The following ZZEF1 variants were observed in gnomAD, a reference collection of about 807,000 sequenced individuals.
The protein encoded by ZZEF1 is zinc finger ZZ-type and EF-hand domain-containing protein 1.
In ZZEF1, 157 loss-of-function variants were observed where a neutral mutation model predicts 342.8. The observed-to-expected ratio is 0.46, with a 90% CI of 0.40 to 0.52. The LOEUF (loss-of-function observed/expected upper bound fraction) is 0.52, where lower values mean the gene tolerates loss of function less well. Ranked by LOEUF, ZZEF1 falls within the 20% of genes least tolerant of loss-of-function variation. The pLI is 0.00. For missense variants in ZZEF1, 3,480 were observed against 3,725.6 expected (o/e 0.93, Z 1.72); for synonymous variants, 1,505 against 1,429.1 (o/e 1.05, Z -1.20).
At chr17:4,049,374 T>C (rs2056995284) in intron 37 of ZZEF1, among the ~76,000 whole-genome samples, 2 of 151,986 alleles carry the variant, frequency 1.3e-5, no homozygotes, top group African/African-American at 2.4e-5. Flanking sequence ...TAGCCAGGCA[T>C]GGTAGCACAT....
chr17:4,142,635 C>T lies in ZZEF1; in HGVS notation c.261G>A (p.Arg87=), dbSNP rs144967819. Residue 87 remains arginine, a synonymous_variant, in exon 1 of 55, where the codon CGG becomes CGA. Transcript: ENST00000381638. ...TGACAGACTCTTCGCCGCGGCCCAG[C>T]CGCTCTTCCAGCCAGCGAAACAACG... is the stretch of plus-strand genomic sequence containing the variant. ...RGALFRWLEE[R]LGRGEESVTL... 3.0e-4 allele frequency: 474 copies of T among 1,606,764 alleles called. 1 individual carries two copies. In the African/African-American group the frequency reaches 5.5e-3, roughly 19 times the overall value.
chr17:4,077,795 A>G (rs1292696249), intron 19 of ZZEF1, 88 bp downstream of exon 19: 2 of 1,402,232 alleles, frequency 1.4e-6, no homozygotes, highest in Non-Finnish European at 2.0e-6. Context: ...CCATATGCAC[A>G]CTCATTGCAT....
intron 36 of ZZEF1, 40 bp from the exon 37 acceptor site, chr17:4,049,899 T>C (rs758836406): frequency 1.2e-6 from 2 of 1,601,672 alleles, no homozygotes; most frequent in African/African-American, 2.7e-5. Flanking sequence ...AGAAGTTTTA[T>C]AATGAGAGTT....
At position 4,064,835 on chromosome 17, in the gene ZZEF1, T is replaced by C. The variant is rs779563149; in HGVS notation, c.4250-6A>G. 1.4e-6 allele frequency: 2 copies of C among 1,385,766 alleles called. No homozygotes were observed. Among genetic ancestry groups the C allele is most frequent in the East Asian group, 5.1e-5 (2 of 39,168 alleles). The allele number at this position is 1,385,766 out of a possible 1,614,324, so 85.8% of individuals were successfully genotyped here. A position where few individuals can be genotyped will look rare whatever the true frequency, so the allele number is the denominator to read the frequency against. On this transcript the variant is annotated splice_region_variant and splice_polypyrimidine_tract_variant and intron_variant, in intron 28 of 54. Transcript: ENST00000381638. Reference sequence around the variant, plus strand: ...CTTCTCAATGCACTCTTTTGCTAGATGCAAACAAGAATCATAATTGAAAAA... The same window carrying C: ...CTTCTCAATGCACTCTTTTGCTAGACGCAAACAAGAATCATAATTGAAAAA...
At position 4,025,086 on chromosome 17, in the gene ZZEF1, C is replaced by T; in HGVS notation, c.6925G>A (p.Gly2309Arg). The T allele has an allele frequency of 1.2e-6, 2 of 1,614,128 alleles. No homozygotes were observed. Among genetic ancestry groups the T allele is most frequent in the Admixed American group, 1.7e-5 (1 of 60,022 alleles). ...KDYQLVQKGG[G>R]QECGDSRAQL... ...GCCCGAGAGTCACCACACTCTTGTC[C>T]TCCTCCCTTCTGGACCAGCTGGTAG... The change falls in exon 43 of 55, where the codon GGA becomes AGA. Residue 2309 changes from glycine (G) to arginine (R), a missense_variant. Transcript: ENST00000381638.
rs1567814626 is a variant in ZZEF1, at chr17:4,071,816, C to T, written c.3834+792G>A. On this transcript the variant is annotated intron_variant, in intron 25 of 54. Coordinates refer to ENST00000381638, the MANE Select transcript of ZZEF1 (RefSeq NM_015113.4). ...GGAAGATGGAAACAGGTACTTGGAG[C>T]GGGGAGAAAACCAGACCTGGAGACT... Among the ~76,000 whole-genome samples the T allele has an allele frequency of 2.6e-5, 4 of 151,740 alleles. No individual in the cohort carries two copies. The South Asian group carries it at 6.3e-4, about 24-fold the overall frequency.
intron 2 of ZZEF1, among the ~76,000 whole-genome samples, chr17:4,120,788 A>G (rs1184926118): frequency 6.6e-6 from 1 of 152,224 alleles, no homozygotes; most frequent in African/African-American, 2.4e-5. Context: ...GTTAAAAACA[A>G]AACAAAAACT....
At chr17:4,073,611 T>G (rs928069966) in intron 24 of ZZEF1, among the ~76,000 whole-genome samples, 21 of 151,824 alleles carry the variant, frequency 1.4e-4, no homozygotes, top group Admixed American at 1.1e-3. Context: ...AATTTTTACA[T>G]TTTTTTTGGT....
At chr17:4,132,704 CGCCTGT>C (rs2058683330) in intron 1 of ZZEF1, among the ~76,000 whole-genome samples, 2 of 113,636 alleles carry the variant, frequency 1.8e-5, no homozygotes, top group Non-Finnish European at 4.3e-5. Context: ...TGGTGGCGGG[CGCCTGT>C]AATCCCAGCA....
chr17:4,057,886 T>C (rs1380755990), intron 32 of ZZEF1, 108 bp downstream of exon 32: 2 of 1,176,406 alleles, frequency 1.7e-6, no homozygotes, highest in Non-Finnish European at 2.4e-6. Flanking sequence ...AGCCAAGATA[T>C]GACACAGACA....
intron 33 of ZZEF1, among the ~76,000 whole-genome samples, chr17:4,055,692 A>G (rs1289000500): frequency 6.6e-6 from 1 of 152,178 alleles, no homozygotes; most frequent in Admixed American, 6.5e-5. Flanking sequence ...CAGCTTTAAG[A>G]GCCAATTTTT....
At chr17:4,075,450 G>T in intron 21 of ZZEF1, 21 bp from the exon 22 acceptor site, 1 of 1,611,060 alleles carries the variant, frequency 6.2e-7, no homozygotes, top group South Asian at 1.1e-5. Context: ...AAATGAGCCA[G>T]GGGAAAGAAA....
rs2058648727 is a variant in ZZEF1, at chr17:4,130,653, T to A, written c.355-6602A>T. The stretch of plus-strand genomic sequence containing the variant: ...GTTCAAGGAAACCGGGAGAGAAAAG[T>A]GAAGGGAAATCCGGGGACCAGTTCA... On this transcript the variant is annotated intron_variant, in intron 1 of 54. Transcript: ENST00000381638. 4.0e-5 allele frequency among the ~76,000 whole-genome samples: 6 copies of A among 151,270 alleles called. No homozygotes were observed. In the South Asian group the frequency reaches 1.3e-3, roughly 32 times the overall value.
chr17:4,133,230 C>A (rs565475412), intron 1 of ZZEF1, among the ~76,000 whole-genome samples: 2 of 152,250 alleles, frequency 1.3e-5, no homozygotes, highest in South Asian at 4.2e-4. Flanking sequence ...AAATGCCAGG[C>A]ACCGAGCAGA....
chr17:4,013,575 A>G lies in ZZEF1; in HGVS notation c.8453T>C (p.Val2818Ala), dbSNP rs1455643661. 6.2e-7 allele frequency: 1 copy of G among 1,613,850 alleles called. No individual in the cohort carries two copies. Among genetic ancestry groups the G allele is most frequent in the Admixed American group, 1.7e-5 (1 of 59,974 alleles). ...ILKQMLSEER[V>A]VPHLPLAKIW... Reference sequence around the variant, plus strand: ...TTTTGCCAATGGGAGATGAGGCACGACCCTTTCTTCTGACAACATCTGCTT... The same window carrying G: ...TTTTGCCAATGGGAGATGAGGCACGGCCCTTTCTTCTGACAACATCTGCTT... The change falls in exon 52 of 55, where the codon GTC becomes GCC. Residue 2818 changes from valine to alanine, a missense_variant. Coordinates refer to ENST00000381638, the MANE Select transcript of ZZEF1 (RefSeq NM_015113.4).
chr17:4,068,459 G>C (rs1175545108), intron 26 of ZZEF1, among the ~76,000 whole-genome samples: 3 of 152,100 alleles, frequency 2.0e-5, no homozygotes, highest in Non-Finnish European at 4.4e-5. Context: ...GCAAATTTTT[G>C]TATTTTTAGT....
intron 11 of ZZEF1, among the ~76,000 whole-genome samples, chr17:4,095,257 T>C (rs1383139075): frequency 6.6e-6 from 1 of 152,072 alleles, no homozygotes; most frequent in Non-Finnish European, 1.5e-5. Context: ...ATAACAACAC[T>C]TGCTCCAGAA....
Position 4,123,941 on chromosome 17 carries a change from G to A in ZZEF1, c.465C>T (p.Ile155=). Residue 155 remains isoleucine, a synonymous_variant, in exon 2 of 55, where the codon ATC becomes ATT. Coordinates refer to ENST00000381638, the MANE Select transcript of ZZEF1 (RefSeq NM_015113.4). ...GAGAGCAGGCCTGTAGTTGTCTGAT[G>A]ATGTGGCTCAGCTCCCCCTGAAGAT... ...GANLQGELSH[I]IRQLQACSLV... 2 of 1,614,012 alleles carry A rather than the reference G, an allele frequency of 1.2e-6. No homozygotes were observed. Among genetic ancestry groups the A allele is most frequent in the Non-Finnish European group, 8.5e-7 (1 of 1,179,994 alleles).
chr17:4,031,775 CAGCCACCTGACTCCATGT>C (rs1447310889), intron 42 of ZZEF1, among the ~76,000 whole-genome samples: 2 of 152,128 alleles, frequency 1.3e-5, no homozygotes, highest in Non-Finnish European at 2.9e-5. Context: ...ATTTTAAGTG[CAGCCACCTGACTCCATGT>C]AGTCACCTGA....
Sources: gnomAD v4.1 joint callset for allele counts (sites outside exome capture counted in the v4.1 genomes callset) on GRCh38, gnomAD v4.1.1 for gene constraint, MANE v1.5 for transcripts, NCBI Gene and HGNC (gene_info 2026-07-23, HGNC 2026-07-21) for gene names.